The following RGCC variants were observed in gnomAD, a reference collection of about 807,000 sequenced individuals.
The protein encoded by RGCC is regulator of cell cycle RGCC.
A neutral mutation model predicts 15.4 loss-of-function variants in RGCC; 15 were observed. That is an observed-to-expected ratio of 0.97 (90% CI 0.65 to 1.50). The LOEUF (loss-of-function observed/expected upper bound fraction) is 1.50, where lower values mean the gene tolerates loss of function less well. RGCC is among the 40% of genes most tolerant of loss of function. The pLI is 0.00. For synonymous variants in RGCC, 81 were observed against 78.0 expected, an observed-to-expected ratio of 1.04 and a Z score of -0.20; for missense variants, 176 against 189.7, an observed-to-expected ratio of 0.93 and a Z score of 0.42.
chr13:41,467,777 A>G (rs2043856203), intron 3 of RGCC, among the ~76,000 whole-genome samples: 1 of 152,190 alleles, frequency 6.6e-6, no homozygotes, highest in Admixed American at 6.5e-5. Context: ...TTCTGCCACT[A>G]TCCAGCCCTC....
intron 4 of RGCC, among the ~76,000 whole-genome samples, chr13:41,469,919 G>T (rs1452322407): frequency 6.6e-6 from 1 of 152,184 alleles, no homozygotes; most frequent in Non-Finnish European, 1.5e-5. Flanking sequence ...GGGATGGAAG[G>T]TTCAGCAACT....
chr13:41,468,363 AT>A, intron 3 of RGCC, among the ~76,000 whole-genome samples: 1 of 152,214 alleles, frequency 6.6e-6, no homozygotes, highest in African/African-American at 2.4e-5. Context: ...AATAACTCAT[AT>A]TCTACACAAT....
In RGCC at chr13:41,458,413, A is replaced by G. The variant is rs1272195666; in HGVS notation, c.178A>G (p.Met60Val). ...CCACTACGAGGAGCACCTGGAGCGC[A>G]TGAAGCGGCGCAGCAGCGCCAGTGT... ...HFHYEEHLER[M>V]KRRSSASVSD... Residue 60 changes from methionine (M) to valine (V), a missense_variant, in exon 2 of 5, where the codon ATG becomes GTG. By Grantham distance (21) the Met-to-Val change is conservative (BLOSUM62 1). Transcript: ENST00000379359. The surrounding 1 kb of genome is among the most constrained non-coding windows in gnomAD (Gnocchi z 4.4). 1.2e-6 allele frequency: 2 copies of G among 1,601,504 alleles called. No homozygotes were observed. Among genetic ancestry groups the G allele is most frequent in the Admixed American group, 1.7e-5 (1 of 59,732 alleles).
At chr13:41,466,223 ACACACACATATTCT>A (rs2043848416) in intron 2 of RGCC, among the ~76,000 whole-genome samples, 1 of 147,748 alleles carries the variant, frequency 6.8e-6, no homozygotes, top group Non-Finnish European at 1.5e-5. Context: ...ACACTTTCTC[ACACACACATATTCT>A]CACACACACC....
Position 41,458,279 on chromosome 13 carries a change from C to G in RGCC, c.50-6C>G. On this transcript the variant is annotated splice_polypyrimidine_tract_variant and splice_region_variant and intron_variant, in intron 1 of 4. Transcript: ENST00000379359. The surrounding 1 kb of genome is among the most constrained non-coding windows in gnomAD (Gnocchi z 4.4). ...CCGTGCACTGAGCCCCTGGCCCTGCCCGCAGCCCCGGCCCTGGACTCGGCG... is the reference window on the plus strand; with the variant it reads ...CCGTGCACTGAGCCCCTGGCCCTGCGCGCAGCCCCGGCCCTGGACTCGGCG... 3.2e-6 allele frequency: 5 copies of G among 1,563,414 alleles called. No individual in the cohort carries two copies. Among genetic ancestry groups the G allele is most frequent in the Non-Finnish European group, 4.3e-6 (5 of 1,161,746 alleles).
In RGCC at chr13:41,457,805, C is replaced by T; in HGVS notation, c.49+49C>T. ...CTTAAAGTCTCGGCTCTGCAGATGG[C>T]GGGTGAGAAAGGAGGGGCCCCGTGT... On this transcript the variant is annotated intron_variant, in intron 1 of 4. Transcript: ENST00000379359. The surrounding 1 kb of genome is among the most constrained non-coding windows in gnomAD (Gnocchi z 4.9). 1.5e-6 allele frequency: 2 copies of T among 1,359,122 alleles called. No individual in the cohort carries two copies. The highest frequency in any genetic ancestry group is 4.0e-5 in the Admixed American group (1 of 24,716). 84.2% of individuals were successfully genotyped at this position (1,359,122 alleles called of 1,614,324 possible).
rs116262833 is a variant in RGCC at position 41,463,551 on chromosome 13, C to T, written c.236-3272C>T. Among the ~76,000 whole-genome samples the T allele has an allele frequency of 3.9e-3, 596 of 151,588 alleles. 1 individual carries two copies. Among genetic ancestry groups the T allele is most frequent in the African/African-American group, 0.014 (564 of 41,228 alleles). On this transcript the variant is annotated intron_variant, in intron 2 of 4. Transcript: ENST00000379359. Reference sequence around the variant, plus strand: ...GGAGGAAGTGAGTGTAGCTGTGCTGCCATGCCTCTGTTTGCGTGTGTTTCT... The same window carrying T: ...GGAGGAAGTGAGTGTAGCTGTGCTGTCATGCCTCTGTTTGCGTGTGTTTCT...
Position 41,457,716 on chromosome 13 carries a change from G to C in RGCC, c.9G>C (p.Pro3=). Residue 3 remains proline (P), a synonymous_variant, in exon 1 of 5, where the codon CCG becomes CCC. Coordinates refer to ENST00000379359, the MANE Select transcript of RGCC (RefSeq NM_014059.3). This position sits in a 1 kb window ranked among gnomAD's most constrained non-coding sequence, Gnocchi z 4.9. ...CCCAGCTGAGCCGCCTCATGAAGCCGCCCGCGGCGCAGGGCAGCCCCGCGG... is the reference window on the plus strand; with the variant it reads ...CCCAGCTGAGCCGCCTCATGAAGCCCCCCGCGGCGCAGGGCAGCCCCGCGG... MK[P]PAAQGSPAAA... 6.8e-7 allele frequency: 1 copy of C among 1,476,752 alleles called. No individual in the cohort carries two copies. The highest frequency in any genetic ancestry group is 9.0e-7 in the Non-Finnish European group (1 of 1,115,158). 91.5% of individuals were successfully genotyped at this position (1,476,752 alleles called of 1,614,324 possible).
chr13:41,460,392 G>T (rs1344977678), intron 2 of RGCC, among the ~76,000 whole-genome samples: 1 of 152,198 alleles, frequency 6.6e-6, no homozygotes, highest in Non-Finnish European at 1.5e-5. Context: ...GCTTAAGAGA[G>T]GTAGATACTA....
Position 41,468,847 on chromosome 13 carries a change from A to G in RGCC, c.406+9A>G, listed in dbSNP as rs202129436. The G allele has an allele frequency of 1.1e-4, 167 of 1,584,424 alleles. No homozygotes were observed. Among genetic ancestry groups the G allele is most frequent in the Middle Eastern group, 3.3e-4 (2 of 6,046 alleles). On this transcript the variant is annotated intron_variant, in intron 4 of 4. Coordinates refer to ENST00000379359, the MANE Select transcript of RGCC (RefSeq NM_014059.3). Reference sequence around the variant, plus strand: ...TGACAAAACTTTAGCAAGTAAGTACATGTCTGATATTAAAAACAAAAAAAC... The same window carrying G: ...TGACAAAACTTTAGCAAGTAAGTACGTGTCTGATATTAAAAACAAAAAAAC...
In RGCC at chr13:41,458,352, G is replaced by T. The variant is rs1194789759; in HGVS notation, c.117G>T (p.Leu39=). Residue 39 remains leucine (L), a synonymous_variant, in exon 2 of 5, where the codon CTG becomes CTT. Coordinates refer to ENST00000379359, the MANE Select transcript of RGCC (RefSeq NM_014059.3). This position sits in a 1 kb window ranked among gnomAD's most constrained non-coding sequence, Gnocchi z 4.4. ...CGCTGTGCGAGTTTGACGCGGTGCT[G>T]GCCGACTTCGCGTCGCCCTTCCACG... The part of the protein sequence containing the change: ...SDALCEFDAV[L]ADFASPFHER... The T allele has an allele frequency of 1.3e-6, 2 of 1,592,308 alleles. No homozygotes were observed. Among genetic ancestry groups the T allele is most frequent in the Non-Finnish European group, 1.7e-6 (2 of 1,175,568 alleles).
chr13:41,468,891 T>C lies in RGCC; in HGVS notation c.406+53T>C, dbSNP rs1424404444. On this transcript the variant is annotated intron_variant, in intron 4 of 4. Coordinates refer to ENST00000379359, the MANE Select transcript of RGCC (RefSeq NM_014059.3). ...AAAAAACAAAAAACTAACAGACACT[T>C]CTGATAAAGTGTTGTAATGTTAACC... is the stretch of plus-strand genomic sequence containing the variant. 2.8e-5 allele frequency: 36 copies of C among 1,292,876 alleles called. No homozygotes were observed. In the East Asian group the frequency reaches 8.3e-4, roughly 30 times the overall value. 80.1% of individuals were successfully genotyped at this position (1,292,876 alleles called of 1,614,324 possible).
chr13:41,460,425 G>A (rs1839150061), intron 2 of RGCC, among the ~76,000 whole-genome samples: 1 of 152,158 alleles, frequency 6.6e-6, no homozygotes, highest in Admixed American at 6.5e-5. Flanking sequence ...TCATCAAGAG[G>A]GAGACACACC....
At chr13:41,466,501 G>A (rs528264767) in intron 2 of RGCC, among the ~76,000 whole-genome samples, 2 of 152,068 alleles carry the variant, frequency 1.3e-5, no homozygotes, top group Non-Finnish European at 2.9e-5. Flanking sequence ...CGAGTCTCCT[G>A]CCTCAGCCTC....
chr13:41,466,735 A>G, intron 2 of RGCC, 88 bp from the exon 3 acceptor site: 1 of 944,042 alleles, frequency 1.1e-6, no homozygotes, highest in Non-Finnish European at 1.7e-6. Context: ...TTTTGAAGAC[A>G]AATTGTTGGT....
chr13:41,457,842 A>C lies in RGCC; in HGVS notation c.49+86A>C. On this transcript the variant is annotated intron_variant, in intron 1 of 4. Transcript: ENST00000379359. The surrounding 1 kb of genome is among the most constrained non-coding windows in gnomAD (Gnocchi z 4.9). ...GAGGGGCCCCGTGTCGTCCCTTCACACCCCCCACCCTTCCATCCTCCCCGG... is the reference window on the plus strand; with the variant it reads ...GAGGGGCCCCGTGTCGTCCCTTCACCCCCCCCACCCTTCCATCCTCCCCGG... The C allele has an allele frequency of 7.5e-7, 1 of 1,330,684 alleles. No individual in the cohort carries two copies. 82.4% of individuals were successfully genotyped at this position (1,330,684 alleles called of 1,614,324 possible).
chr13:41,469,267 A>ATAG (rs1461696287), intron 4 of RGCC, among the ~76,000 whole-genome samples: 6 of 91,482 alleles, frequency 6.6e-5, no homozygotes, highest in African/African-American at 2.7e-4. Flanking sequence ...CAAAATAGTA[A>ATAG]TAATAATAAT....
rs1199260553 is a variant in RGCC, at chr13:41,458,481, C to T, written c.235+11C>T. The T allele has an allele frequency of 1.3e-6, 2 of 1,589,020 alleles. No homozygotes were observed. Among genetic ancestry groups the T allele is most frequent in the Non-Finnish European group, 8.5e-7 (1 of 1,173,312 alleles). On this transcript the variant is annotated intron_variant, in intron 2 of 4. Coordinates refer to ENST00000379359, the MANE Select transcript of RGCC (RefSeq NM_014059.3). The surrounding 1 kb of genome is among the most constrained non-coding windows in gnomAD (Gnocchi z 4.4). ...TCAGCGACTCGGAGAGTAAGTGCGG[C>T]CCCCGCTAGGATGGCGCCGGGATCT...
rs946643396 is a variant in RGCC at position 41,459,608 on chromosome 13, C to T, written c.235+1138C>T. 2.0e-5 allele frequency among the ~76,000 whole-genome samples: 3 copies of T among 152,184 alleles called. No individual in the cohort carries two copies. In the East Asian group the frequency reaches 5.8e-4, roughly 29 times the overall value. On this transcript the variant is annotated intron_variant, in intron 2 of 4. Transcript: ENST00000379359. ...GCTGAGTTCCAGCTTGTTTCCTTGG[C>T]AGCACTGCCAAAGAGTTAGACCAAG... is the stretch of plus-strand genomic sequence containing the variant.
Sources: allele counts gnomAD v4.1 joint callset (sites outside exome capture counted in the v4.1 genomes callset), GRCh38; gene constraint gnomAD v4.1.1; non-coding constraint Gnocchi (gnomAD v3.1); transcripts MANE v1.5; gene names NCBI Gene and HGNC (gene_info 2026-07-23, HGNC 2026-07-21).